The following RASGRP3 variants were observed in gnomAD, a reference collection of about 807,000 sequenced individuals.
The protein encoded by RASGRP3 is ras guanyl-releasing protein 3.
A neutral mutation model predicts 82.7 loss-of-function variants in RASGRP3; 54 were observed. The ratio of observed to expected loss-of-function variants is 0.65; its 90% CI spans 0.52 to 0.82. The LOEUF (loss-of-function observed/expected upper bound fraction) is 0.82. Ranked by LOEUF, RASGRP3 falls within the 40% of genes least tolerant of loss-of-function variation. The pLI, the probability that RASGRP3 is intolerant of heterozygous loss-of-function variation, is 0.00. For missense variants in RASGRP3, 861 were observed against 828.9 expected (o/e 1.04, Z -0.48); for synonymous variants, 309 against 300.5 (o/e 1.03, Z -0.29).
chr2:33,484,495 C>T (rs998314748), intron 1 of RASGRP3, among the ~76,000 whole-genome samples: 1 of 152,014 alleles, frequency 6.6e-6, no homozygotes, highest in Non-Finnish European at 1.5e-5. Context: ...GGAATGCTTG[C>T]CGTTCAAAAT....
chr2:33,446,554 T>C (rs1175135525), intron 1 of RASGRP3, among the ~76,000 whole-genome samples: 1 of 151,402 alleles, frequency 6.6e-6, no homozygotes, highest in East Asian at 1.9e-4. Flanking sequence ...GGCTAAGAAG[T>C]AGAAGAGAGG....
chr2:33,530,384 T>C (rs974338767), intron 10 of RASGRP3, among the ~76,000 whole-genome samples: 12 of 152,140 alleles, frequency 7.9e-5, no homozygotes, highest in African/African-American at 2.9e-4. Context: ...TCTGTAATAG[T>C]TAATTACAGT....
At chr2:33,466,859 G>A (rs1666725557) in intron 2 of RASGRP3, among the ~76,000 whole-genome samples, 1 of 152,110 alleles carries the variant, frequency 6.6e-6, no homozygotes, top group African/African-American at 2.4e-5. Flanking sequence ...TGGCTGCTAA[G>A]TCATTCTGGG....
chr2:33,524,402 T>C (rs1380104849), intron 8 of RASGRP3, 30 bp from the exon 9 acceptor site: 1 of 1,379,672 alleles, frequency 7.2e-7, no homozygotes, highest in Admixed American at 2.3e-5. Flanking sequence ...TTGAAAATCC[T>C]TAAAAAGCAT....
intron 2 of RASGRP3, among the ~76,000 whole-genome samples, chr2:33,448,595 G>A (rs1665622576): frequency 6.6e-6 from 1 of 152,130 alleles, no homozygotes. Context: ...TTCCACTTAT[G>A]TGAAATATCT....
At chr2:33,450,058 G>A (rs907449572) in intron 2 of RASGRP3, among the ~76,000 whole-genome samples, 1 of 151,960 alleles carries the variant, frequency 6.6e-6, no homozygotes, top group Non-Finnish European at 1.5e-5. Flanking sequence ...GACTCAATAG[G>A]GACTAGAGAT....
In RASGRP3 at chr2:33,479,994, C is replaced by A. The variant is rs542269066; in HGVS notation, c.-261+3287C>A. 1.8e-4 allele frequency among the ~76,000 whole-genome samples: 27 copies of A among 150,650 alleles called. No individual in the cohort carries two copies. In the South Asian group the frequency reaches 5.7e-3, roughly 32 times the overall value. ...CAGTGTTTCTGCAAGGTCGTTCTGG[C>A]AAGATTACACATTTTGAAGATCAAG... is the stretch of plus-strand genomic sequence containing the variant. On this transcript the variant is annotated intron_variant, in intron 1 of 17. Transcript: ENST00000403687.
intron 2 of RASGRP3, among the ~76,000 whole-genome samples, chr2:33,459,158 G>C (rs1056403164): frequency 6.6e-6 from 1 of 151,686 alleles, no homozygotes; most frequent in Admixed American, 6.6e-5. Context: ...ATGGAGTCTC[G>C]CTCTGTCGCT....
chr2:33,505,994 G>T (rs1670340571), intron 1 of RASGRP3, among the ~76,000 whole-genome samples: 1 of 152,120 alleles, frequency 6.6e-6, no homozygotes, highest in South Asian at 2.1e-4. Context: ...ATGTTGGTTT[G>T]GTTGCCAATA....
chr2:33,448,587 C>G (rs563264559), intron 2 of RASGRP3, among the ~76,000 whole-genome samples: 1 of 152,128 alleles, frequency 6.6e-6, no homozygotes, highest in Non-Finnish European at 1.5e-5. Flanking sequence ...TTATATGATT[C>G]CACTTATGTG....
intron 4 of RASGRP3, among the ~76,000 whole-genome samples, chr2:33,517,551 C>T (rs1671587494): frequency 6.6e-6 from 1 of 152,194 alleles, no homozygotes; most frequent in Admixed American, 6.5e-5. Flanking sequence ...TTCAAGCTTC[C>T]TCCACTTTCT....
At chr2:33,501,373 A>C (rs559673470) in intron 1 of RASGRP3, among the ~76,000 whole-genome samples, 153 of 152,322 alleles carry the variant, frequency 1.0e-3, no homozygotes, top group African/African-American at 3.5e-3. Flanking sequence ...TATGAATAAT[A>C]CTGCTATGAA....
upstream of RASGRP3, among the ~76,000 whole-genome samples, chr2:33,476,008 T>G (rs1449360373): frequency 6.6e-6 from 1 of 152,332 alleles, no homozygotes; most frequent in East Asian, 1.9e-4. Flanking sequence ...CAGATAAAGC[T>G]GCCTTTGATA....
rs1266542679 is a variant in RASGRP3, at chr2:33,537,320, A to ACCACCCCCCCCCC, written c.1162-1772_1162-1771insACCCCCCCCCCCC. ...GTCTCTAAAATACACACACACACACACCGCCCCCCCCACACACACACACAA... is the reference window on the plus strand; with the variant it reads ...GTCTCTAAAATACACACACACACACACCACCCCCCCCCCCCGCCCCCCCCACACACACACACAA... On this transcript the variant is annotated intron_variant, in intron 11 of 17. Transcript: ENST00000403687. Among the ~76,000 whole-genome samples, 10 of 33,328 alleles carry ACCACCCCCCCCCC rather than the reference A, an allele frequency of 3.0e-4. 1 individual carries two copies. The highest frequency in any genetic ancestry group is 4.4e-4 in the African/African-American group (3 of 6,784). 21.9% of individuals were successfully genotyped at this position (33,328 alleles called of 152,430 possible). A position where few individuals can be genotyped will look rare whatever the true frequency, so the allele number is the denominator to read the frequency against.
At chr2:33,488,534 C>G (rs1418327514) in intron 1 of RASGRP3, among the ~76,000 whole-genome samples, 1 of 152,168 alleles carries the variant, frequency 6.6e-6, no homozygotes, top group Non-Finnish European at 1.5e-5. Context: ...AAAGAACTCT[C>G]CATACACAAT....
chr2:33,534,292 G>T, intron 10 of RASGRP3, 31 bp from the exon 11 acceptor site: 1 of 1,420,218 alleles, frequency 7.0e-7, no homozygotes, highest in East Asian at 2.3e-5. Context: ...AATGTAATCC[G>T]ACATTTTTAT....
intron 13 of RASGRP3, among the ~76,000 whole-genome samples, chr2:33,545,646 A>C (rs959087515): frequency 6.6e-6 from 1 of 152,204 alleles, no homozygotes; most frequent in African/African-American, 2.4e-5. Flanking sequence ...CATTCCTTTG[A>C]GTAGGCAAAG....
intron 2 of RASGRP3, among the ~76,000 whole-genome samples, chr2:33,513,400 T>C (rs1289370673): frequency 3.3e-5 from 5 of 152,206 alleles, no homozygotes; most frequent in Admixed American, 3.3e-4. Flanking sequence ...TTTTCTGAAG[T>C]TGACTATGAG....
intron 2 of RASGRP3, among the ~76,000 whole-genome samples, chr2:33,454,072 A>G (rs1197321582): frequency 6.6e-6 from 1 of 152,106 alleles, no homozygotes; most frequent in Non-Finnish European, 1.5e-5. Flanking sequence ...TTTAAAAGCC[A>G]TACATAGTCC....
Sources: gnomAD v4.1 joint callset for allele counts (sites outside exome capture counted in the v4.1 genomes callset) on GRCh38, gnomAD v4.1.1 for gene constraint, MANE v1.5 for transcripts, NCBI Gene and HGNC (gene_info 2026-07-23, HGNC 2026-07-21) for gene names.